The following TAF4B variants were observed in gnomAD, a reference collection of about 807,000 sequenced individuals.
TAF4B encodes the protein TATA-box binding protein associated factor 4b, also known as transcription initiation factor TFIID subunit 4B.
TAF4B carries 38 observed loss-of-function variants against 86.4 expected under a neutral mutation model. The observed-to-expected ratio is 0.44, with a 90% CI of 0.34 to 0.58. TAF4B has a LOEUF of 0.58. Ranked by LOEUF, TAF4B falls within the 20% of genes least tolerant of loss-of-function variation. The probability of loss-of-function intolerance (pLI) is 0.02; values close to 1 mark genes in which losing one functional copy is unlikely to be tolerated. For missense variants in TAF4B, 988 were observed against 1,027.6 expected (o/e 0.96, Z 0.53); for synonymous variants, 388 against 391.2 (o/e 0.99, Z 0.10).
At chr18:26,298,165 A>G (rs909256646) in intron 9 of TAF4B, among the ~76,000 whole-genome samples, 1 of 151,074 alleles carries the variant, frequency 6.6e-6, no homozygotes, top group African/African-American at 2.4e-5. Context: ...CATTTATGTA[A>G]CTTCTTTTGT....
In TAF4B at chr18:26,274,999, A is replaced by C; in HGVS notation, c.828A>C (p.Gly276=). ...TGTTAATAAAACTAGCATGTAGTGG[A>C]TCACAGTCCCCAGAAATGGGGCAAA... is the stretch of plus-strand genomic sequence containing the variant. ...LAMLIKLACS[G]SQSPEMGQNV... The change falls in exon 5 of 15, where the codon GGA becomes GGC. Residue 276 remains glycine (G), a synonymous_variant. Transcript: ENST00000269142. The C allele has an allele frequency of 6.2e-7, 1 of 1,612,608 alleles. No individual in the cohort carries two copies. Among genetic ancestry groups the C allele is most frequent in the East Asian group, 2.2e-5 (1 of 44,858 alleles).
chr18:26,350,160 A>G, intron 13 of TAF4B, among the ~76,000 whole-genome samples: 1 of 152,362 alleles, frequency 6.6e-6, no homozygotes, highest in Admixed American at 6.5e-5. Flanking sequence ...AAAATATTTT[A>G]TGAATAAGAC....
At chr18:26,276,496 T>C (rs1297319608) in intron 5 of TAF4B, among the ~76,000 whole-genome samples, 1 of 152,198 alleles carries the variant, frequency 6.6e-6, no homozygotes, top group African/African-American at 2.4e-5. Flanking sequence ...TTTTTCCAAG[T>C]ATAAAATGTG....
chr18:26,231,272 G>A (rs1290922875), intron 1 of TAF4B, among the ~76,000 whole-genome samples: 2 of 149,858 alleles, frequency 1.3e-5, no homozygotes, highest in Non-Finnish European at 3.0e-5. Context: ...TGAACTCCCA[G>A]CCTCAGGTGA....
chr18:26,246,572 C>T (rs558546129), intron 1 of TAF4B, among the ~76,000 whole-genome samples: 16 of 151,518 alleles, frequency 1.1e-4, no homozygotes, highest in African/African-American at 2.9e-4. Context: ...CTCACTCTGT[C>T]GCCCACGCTG....
chr18:26,330,174 T>C (rs969857179), intron 12 of TAF4B, among the ~76,000 whole-genome samples: 1 of 152,180 alleles, frequency 6.6e-6, no homozygotes, highest in Non-Finnish European at 1.5e-5. Flanking sequence ...AAATGTCAAT[T>C]TATTCCCATG....
At chr18:26,331,728 A>T (rs952542697) in intron 12 of TAF4B, among the ~76,000 whole-genome samples, 1 of 152,126 alleles carries the variant, frequency 6.6e-6, no homozygotes, top group Non-Finnish European at 1.5e-5. Context: ...ACTTTTCTTC[A>T]TCACTATTGT....
At chr18:26,237,203 A>T (rs1293626875) in intron 1 of TAF4B, among the ~76,000 whole-genome samples, 4 of 152,138 alleles carry the variant, frequency 2.6e-5, no homozygotes, top group Non-Finnish European at 5.9e-5. Context: ...CATTTACTTG[A>T]CTAAGAGACC....
chr18:26,304,748 T>C lies in TAF4B; in HGVS notation c.1833-10481T>C, dbSNP rs765219201. The C allele has an allele frequency of 2.9e-4, 288 of 985,320 alleles. 1 individual carries two copies. Among genetic ancestry groups the C allele is most frequent in the Non-Finnish European group, 3.3e-4 (277 of 829,926 alleles). 61.0% of individuals were successfully genotyped at this position (985,320 alleles called of 1,614,324 possible). A position where few individuals can be genotyped will look rare whatever the true frequency, so the allele number is the denominator to read the frequency against. Reference sequence around the variant, plus strand: ...TTAGGATATGCTTATTGCTGATTTTTACTGACACCTTTTTTTTAACAGGTC... The same window carrying C: ...TTAGGATATGCTTATTGCTGATTTTCACTGACACCTTTTTTTTAACAGGTC... On this transcript the variant is annotated intron_variant, in intron 9 of 14. Coordinates refer to ENST00000269142, the MANE Select transcript of TAF4B (RefSeq NM_005640.3).
intron 1 of TAF4B, among the ~76,000 whole-genome samples, chr18:26,253,563 G>C (rs2056036571): frequency 6.6e-6 from 1 of 152,008 alleles, no homozygotes; most frequent in African/African-American, 2.4e-5. Context: ...GTCTGTTTTT[G>C]GTATCGTTAA....
At chr18:26,240,816 G>T (rs1011952624) in intron 1 of TAF4B, among the ~76,000 whole-genome samples, 1 of 152,174 alleles carries the variant, frequency 6.6e-6, no homozygotes, top group African/African-American at 2.4e-5. Flanking sequence ...GTTTGTCAAA[G>T]GCCTTTTCCA....
At chr18:26,273,430 T>G (rs1259838632) in intron 3 of TAF4B, among the ~76,000 whole-genome samples, 1 of 152,060 alleles carries the variant, frequency 6.6e-6, no homozygotes, top group Non-Finnish European at 1.5e-5. Flanking sequence ...ACATATGTAA[T>G]ATGTCTGCTG....
chr18:26,315,138 C>CTCTCTCTCTCTG (rs2056892213), intron 9 of TAF4B, 91 bp from the exon 10 acceptor site: 1 of 216,110 alleles, frequency 4.6e-6, no homozygotes, highest in African/African-American at 6.3e-5. Flanking sequence ...CTCTCTCTCT[C>CTCTCTCTCTCTG]TCTCTCTGTC....
In TAF4B at chr18:26,261,167, C is replaced by T. The variant is rs76627483; in HGVS notation, c.344-4003C>T. On this transcript the variant is annotated intron_variant, in intron 1 of 14. Transcript: ENST00000269142. ...GAGGGCACATCCTTGAACATGAGCACTGTCATTTTTTTTTTTTTTTTTTTT... is the reference window on the plus strand; with the variant it reads ...GAGGGCACATCCTTGAACATGAGCATTGTCATTTTTTTTTTTTTTTTTTTT... Among the ~76,000 whole-genome samples the T allele has an allele frequency of 3.3e-3, 474 of 142,482 alleles. 7 individuals carry two copies. Among genetic ancestry groups the T allele is most frequent in the African/African-American group, 0.012 (451 of 38,772 alleles). 93.5% of individuals were successfully genotyped at this position (142,482 alleles called of 152,430 possible).
At chr18:26,343,155 C>T (rs1439674334) in intron 13 of TAF4B, among the ~76,000 whole-genome samples, 1 of 152,172 alleles carries the variant, frequency 6.6e-6, no homozygotes, top group Non-Finnish European at 1.5e-5. Flanking sequence ...CCATCCCCTA[C>T]CCCCATTCTT....
chr18:26,293,554 T>A (rs1409245254), intron 9 of TAF4B, 23 bp downstream of exon 9: 1 of 1,511,020 alleles, frequency 6.6e-7, no homozygotes, highest in African/African-American at 1.4e-5. Context: ...ATAGTTAAAT[T>A]TGGTTTAAGG....
At chr18:26,257,214 T>A (rs1005443795) in intron 1 of TAF4B, among the ~76,000 whole-genome samples, 1 of 152,204 alleles carries the variant, frequency 6.6e-6, no homozygotes, top group African/African-American at 2.4e-5. Context: ...TTGAATTATT[T>A]TTCCTTTTAT....
At chr18:26,232,119 A>C (rs911304164) in intron 1 of TAF4B, among the ~76,000 whole-genome samples, 5 of 152,220 alleles carry the variant, frequency 3.3e-5, no homozygotes, top group Admixed American at 3.3e-4. Flanking sequence ...GTGTTTTTAC[A>C]GAGTGCTGAT....
chr18:26,298,373 C>T (rs914844897), intron 9 of TAF4B, among the ~76,000 whole-genome samples: 7 of 151,676 alleles, frequency 4.6e-5, no homozygotes, highest in Non-Finnish European at 1.0e-4. Flanking sequence ...GGACTATAGG[C>T]GCCCGCAACC....
Sources: gnomAD v4.1 joint callset for allele counts (sites outside exome capture counted in the v4.1 genomes callset) on GRCh38, gnomAD v4.1.1 for gene constraint, MANE v1.5 for transcripts, NCBI Gene and HGNC (gene_info 2026-07-23, HGNC 2026-07-21) for gene names.